The following LPO variants were observed in gnomAD, a reference collection of about 807,000 sequenced individuals.
The protein encoded by LPO is lactoperoxidase.
LPO carries 70 observed loss-of-function variants against 68.4 expected under a neutral mutation model. The observed-to-expected ratio is 1.02, with a 90% confidence interval of 0.84 to 1.25. The LOEUF (loss-of-function observed/expected upper bound fraction) is 1.25, where lower values mean the gene tolerates loss of function less well. Ranked by LOEUF, LPO falls within the 50% of genes most tolerant of loss-of-function variation. The probability of loss-of-function intolerance (pLI) is 0.00; values close to 1 mark genes in which losing one functional copy is unlikely to be tolerated. For missense variants in LPO, 873 were observed against 908.4 expected, an observed-to-expected ratio of 0.96 and a Z score of 0.50; for synonymous variants, 360 against 357.6, an observed-to-expected ratio of 1.01 and a Z score of -0.08.
rs1969936503 is a variant in LPO, at chr17:58,250,432, C to G, written c.591C>G (p.Asn197Lys). The G allele has an allele frequency of 6.2e-7, 1 of 1,614,140 alleles. No homozygotes were observed. Among genetic ancestry groups the G allele is most frequent in the Non-Finnish European group, 8.5e-7 (1 of 1,180,012 alleles). ...FPLPLAREVS[N>K]KIVGYLNEEG... ...ATCTGTAGGCCCGGGAGGTATCTAA[C>G]AAGATTGTTGGCTATCTGAATGAGG... is the stretch of plus-strand genomic sequence containing the variant. Residue 197 changes from asparagine to lysine, a missense_variant, in exon 7 of 13, where the codon AAC (asparagine) becomes AAG (lysine). Transcript: ENST00000262290.
In LPO at chr17:58,254,857, C is replaced by A; in HGVS notation, c.1152C>A (p.Thr384=). Residue 384 remains threonine, a synonymous_variant, in exon 9 of 13, where the codon ACC becomes ACA. Transcript: ENST00000262290. ...ATATTCTGCTGGCCACATCCCACAC[C>A]CTCTTTCTCCGCGAGCATAACCGGC... ...SEHILLATSH[T]LFLREHNRLA... The A allele has an allele frequency of 1.2e-6, 2 of 1,614,122 alleles. No individual in the cohort carries two copies. Among genetic ancestry groups the A allele is most frequent in the Non-Finnish European group, 8.5e-7 (1 of 1,180,028 alleles).
intron 1 of LPO, among the ~76,000 whole-genome samples, chr17:58,242,243 ATTCAGAG>A (rs2038761664): frequency 1.3e-5 from 2 of 152,244 alleles, no homozygotes; most frequent in African/African-American, 4.8e-5. Flanking sequence ...AAAGATTTGC[ATTCAGAG>A]TTAAAGCTCA....
chr17:58,240,288 C>T lies in LPO; in HGVS notation c.-3+1549C>T, dbSNP rs553866427. On this transcript the variant is annotated intron_variant, in intron 1 of 12. Transcript: ENST00000262290. ...TGAGGGGCAAAGGCTGTGGCTCTGTCTCCAGATAGTGCTTCATGTCCCAGG... is the reference window on the plus strand; with the variant it reads ...TGAGGGGCAAAGGCTGTGGCTCTGTTTCCAGATAGTGCTTCATGTCCCAGG... Among the ~76,000 whole-genome samples, 13 of 152,302 alleles carry T rather than the reference C, an allele frequency of 8.5e-5. No homozygotes were observed. In the South Asian group the frequency reaches 2.7e-3, roughly 32 times the overall value.
At chr17:58,255,981 C>T (rs1970062828) in intron 9 of LPO, among the ~76,000 whole-genome samples, 1 of 152,164 alleles carries the variant, frequency 6.6e-6, no homozygotes, top group South Asian at 2.1e-4. Context: ...AAAACTCCCT[C>T]ATGCTATCTC....
chr17:58,250,676 C>G (rs766131941), intron 7 of LPO, 55 bp downstream of exon 7: 3 of 1,539,894 alleles, frequency 1.9e-6, no homozygotes, highest in Non-Finnish European at 2.7e-6. Context: ...CCTGATGTAG[C>G]AGACATTCCC....
rs1190423890 is a variant in LPO, at chr17:58,267,346, T to A, written c.1694-3T>A. On this transcript the variant is annotated splice_polypyrimidine_tract_variant and splice_region_variant and intron_variant, in intron 11 of 12. Coordinates refer to ENST00000262290, the MANE Select transcript of LPO (RefSeq NM_006151.3). ...TGAGACAGCCTCAGTCTCTCCACCCTAGGGTACAATTCCTGGAGAGCCTTC... is the reference window on the plus strand; with the variant it reads ...TGAGACAGCCTCAGTCTCTCCACCCAAGGGTACAATTCCTGGAGAGCCTTC... 1.2e-6 allele frequency: 2 copies of A among 1,612,616 alleles called. No homozygotes were observed. Among genetic ancestry groups the A allele is most frequent in the Admixed American group, 1.7e-5 (1 of 59,998 alleles).
intron 11 of LPO, 73 bp downstream of exon 11, chr17:58,266,399 T>C (rs1171177579): frequency 6.8e-7 from 1 of 1,481,214 alleles, no homozygotes; most frequent in Non-Finnish European, 9.2e-7. Context: ...GACTCTCTTC[T>C]ATAACCCTGA....
intron 2 of LPO, 44 bp from the exon 3 acceptor site, chr17:58,243,950 T>G (rs376501044): frequency 8.0e-7 from 1 of 1,251,792 alleles, no homozygotes; most frequent in African/African-American, 1.5e-5. Flanking sequence ...CGCAAAGGAG[T>G]GGTGTCTGAC....
Position 58,267,591 on chromosome 17 carries a change from G to A in LPO, c.1931+5G>A. The A allele has an allele frequency of 6.2e-7, 1 of 1,601,528 alleles. No homozygotes were observed. The highest frequency in any genetic ancestry group is 8.5e-7 in the Non-Finnish European group (1 of 1,171,910). On this transcript the variant is annotated splice_donor_5th_base_variant and intron_variant, in intron 12 of 12. Coordinates refer to ENST00000262290, the MANE Select transcript of LPO (RefSeq NM_006151.3). ...GCAGATCCGTGATGGAGACAGGCAA[G>A]TGCGTCCTCAGCCAGGGAGGGAAGG...
At chr17:58,265,573 CTTTTTTTTTTT>C (rs71365866) in intron 10 of LPO, among the ~76,000 whole-genome samples, 1 of 85,222 alleles carries the variant, frequency 1.2e-5, no homozygotes, top group Admixed American at 1.3e-4. Context: ...TTAAAAATAC[CTTTTTTTTTTT>C]TTTTTTTTTT....
At chr17:58,253,240 C>T (rs1394134693) in intron 8 of LPO, among the ~76,000 whole-genome samples, 1 of 152,038 alleles carries the variant, frequency 6.6e-6, no homozygotes, top group African/African-American at 2.4e-5. Flanking sequence ...TAATTTACTC[C>T]ATGCCATTAA....
At chr17:58,241,116 T>C (rs1471320304) in intron 1 of LPO, among the ~76,000 whole-genome samples, 4 of 146,062 alleles carry the variant, frequency 2.7e-5, no homozygotes, top group East Asian at 2.0e-4. Flanking sequence ...TTCTTTTCTT[T>C]TCTTTTTTCT....
At chr17:58,254,735 C>T in intron 8 of LPO, 76 bp from the exon 9 acceptor site, 1 of 1,500,520 alleles carries the variant, frequency 6.7e-7, no homozygotes, top group Non-Finnish European at 9.1e-7. Flanking sequence ...TGTGGGGCAC[C>T]ATCATTTCTT....
At chr17:58,259,965 G>A (rs914520916) in intron 9 of LPO, among the ~76,000 whole-genome samples, 10 of 152,074 alleles carry the variant, frequency 6.6e-5, no homozygotes, top group Non-Finnish European at 1.2e-4. Context: ...ACAGGCGCCC[G>A]CCACCATGCC....
intron 11 of LPO, 25 bp downstream of exon 11, chr17:58,266,351 A>G (rs369349669): frequency 6.2e-7 from 1 of 1,607,716 alleles, no homozygotes; most frequent in South Asian, 1.1e-5. Flanking sequence ...TCTGGCCTGC[A>G]CTGGGGAAAT....
At chr17:58,250,349 G>A in intron 6 of LPO, 66 bp from the exon 7 acceptor site, 1 of 1,248,508 alleles carries the variant, frequency 8.0e-7, no homozygotes, top group Admixed American at 1.7e-5. Flanking sequence ...ATAAGCTGTA[G>A]TTGCATCTGA....
At chr17:58,256,406 T>A (rs1970070351) in intron 9 of LPO, among the ~76,000 whole-genome samples, 1 of 146,046 alleles carries the variant, frequency 6.8e-6, no homozygotes, top group Non-Finnish European at 1.5e-5. Flanking sequence ...CATTTTTAGG[T>A]GTTTTTTTTT....
At chr17:58,238,851 C>T (rs1441661494) in intron 1 of LPO, 112 bp downstream of exon 1, 3 of 152,176 alleles carry the variant, frequency 2.0e-5, no homozygotes, top group South Asian at 4.1e-4. Context: ...CTATCAGGCA[C>T]TTTCTGGTGC....
At position 58,247,621 on chromosome 17, in the gene LPO, C is replaced by G. The variant is rs773890218; in HGVS notation, c.308C>G (p.Ser103Cys). The change falls in exon 4 of 13, where the codon TCC becomes TGC. Residue 103 changes from serine (S) to cysteine (C), a missense_variant. Transcript: ENST00000262290. ...ESLKRLRQKA[S>C]LTNVTDPSLD... ...TTAAAGAGACTGAGGCAGAAGGCAT[C>G]CTTGACCAATGTCACAGGTACAGAA... is the stretch of plus-strand genomic sequence containing the variant. 6.2e-7 allele frequency: 1 copy of G among 1,613,888 alleles called. No individual in the cohort carries two copies. Among genetic ancestry groups the G allele is most frequent in the South Asian group, 1.1e-5 (1 of 91,072 alleles).
Sources: allele counts gnomAD v4.1 joint callset (sites outside exome capture counted in the v4.1 genomes callset), GRCh38; gene constraint gnomAD v4.1.1; transcripts MANE v1.5; gene names NCBI Gene and HGNC (gene_info 2026-07-23, HGNC 2026-07-21).